SNW1: variants seen among roughly 807,000 people sequenced by gnomAD.
SNW1 encodes SNW domain containing 1.
A neutral mutation model predicts 75.6 loss-of-function variants in SNW1; 9 were observed. The ratio of observed to expected loss-of-function variants is 0.12; its 90% CI spans 0.07 to 0.21. The LOEUF (loss-of-function observed/expected upper bound fraction) is 0.21. Among genes scored for constraint, SNW1 ranks in the 10% least tolerant of loss-of-function variants. The pLI is 1.00. For missense variants in SNW1, 409 were observed against 670.9 expected (o/e 0.61, Z 4.31); for synonymous variants, 200 against 219.1 (o/e 0.91, Z 0.77).
At chr14:77,742,192 C>T (rs1327005819) in intron 3 of SNW1, among the ~76,000 whole-genome samples, 1 of 152,086 alleles carries the variant, frequency 6.6e-6, no homozygotes, top group Non-Finnish European at 1.5e-5. Flanking sequence ...CATGACACCA[C>T]GTCCAGCTAA....
chr14:77,758,315 C>CAAAAAAAAAAAAAAAAAA (rs55707854), intron 1 of SNW1, among the ~76,000 whole-genome samples: 24 of 85,814 alleles, frequency 2.8e-4, no homozygotes, highest in East Asian at 4.0e-4. Context: ...GACTCTGCCA[C>CAAAAAAAAAAAAAAAAAA]AAAAAAAAAA....
intron 12 of SNW1, 117 bp from the exon 13 acceptor site, chr14:77,718,647 A>T: frequency 1.6e-6 from 1 of 618,226 alleles, no homozygotes; most frequent in Non-Finnish European, 2.7e-6. Flanking sequence ...CAACAATCTG[A>T]ACTGCAAATT....
chr14:77,751,044 T>A (rs1594807737), intron 3 of SNW1, among the ~76,000 whole-genome samples: 1 of 152,300 alleles, frequency 6.6e-6, no homozygotes, highest in Non-Finnish European at 1.5e-5. Flanking sequence ...GCTAGTAATA[T>A]AAAGTAACTG....
rs2080721641 is a variant in SNW1, at chr14:77,741,862, A to G, written c.331-2801T>C. 1.3e-5 allele frequency among the ~76,000 whole-genome samples: 2 copies of G among 152,180 alleles called. 1 individual carries two copies. The highest frequency in any genetic ancestry group is 4.8e-5 in the African/African-American group (2 of 41,448). ...CCTGGTAGTCATGTATGTTCAACAT[A>G]AAGTGTCAATACTAATTTAGCATAC... On this transcript the variant is annotated intron_variant, in intron 3 of 13. Coordinates refer to ENST00000261531, the MANE Select transcript of SNW1 (RefSeq NM_012245.3).
chr14:77,755,460 C>G (rs1490219203), intron 1 of SNW1, among the ~76,000 whole-genome samples: 6 of 152,040 alleles, frequency 3.9e-5, no homozygotes, highest in Non-Finnish European at 7.4e-5. Flanking sequence ...ACTCTGTTGC[C>G]CAGGCTGGAG....
chr14:77,734,986 C>T lies in SNW1; in HGVS notation c.735G>A (p.Trp245Ter), dbSNP rs2080659288. The change falls in exon 8 of 14, where the codon TGG becomes TGA. Residue 245 changes from tryptophan (W) to a stop codon, truncating the protein, a stop_gained. Transcript: ENST00000261531. LOFTEE classifies it high-confidence loss of function. ...RKMTVKEQQE[W>*]KIPPCISNWK... ...AGTTAGAAATACAAGGAGGAATCTT[C>T]CACTCTTGTTGTTCCTTTACAGTCA... 1 of 1,611,538 alleles carries T rather than the reference C, an allele frequency of 6.2e-7. No homozygotes were observed. The highest frequency in any genetic ancestry group is 8.5e-7 in the Non-Finnish European group (1 of 1,177,990).
chr14:77,751,300 GA>G lies in SNW1; in HGVS notation c.330+18del. The G allele has an allele frequency of 6.3e-7, 1 of 1,587,324 alleles. No homozygotes were observed. The highest frequency in any genetic ancestry group is 8.6e-7 in the Non-Finnish European group (1 of 1,166,252). On this transcript the variant is annotated intron_variant, in intron 3 of 13. Coordinates refer to ENST00000261531, the MANE Select transcript of SNW1 (RefSeq NM_012245.3). Reference sequence around the variant, plus strand: ...TTTCCTAAAATATTTATCATTCAGGGAAAACATGAGAGGATTACCTTGTCTT... The same window carrying G: ...TTTCCTAAAATATTTATCATTCAGGGAAACATGAGAGGATTACCTTGTCTT...
At chr14:77,755,959 G>A (rs1300797615) in intron 1 of SNW1, among the ~76,000 whole-genome samples, 4 of 151,464 alleles carry the variant, frequency 2.6e-5, no homozygotes, top group South Asian at 2.1e-4. Flanking sequence ...GGCTGGTCTC[G>A]AACTCCCGAC....
In SNW1 at chr14:77,717,845, GGCA is replaced by G. The variant is rs952603119; in HGVS notation, c.*240_*242del. ...TAAGTGGTCTTGACTTTGTATGTGG[GGCA>G]GCATGTTCTATAAATGCTGAAAGGT... is the stretch of plus-strand genomic sequence containing the variant. On this transcript the variant is annotated 3_prime_UTR_variant, in exon 14 of 14. Transcript: ENST00000261531. The G allele has an allele frequency of 2.7e-5, 15 of 555,484 alleles. No homozygotes were observed. Among genetic ancestry groups the G allele is most frequent in the Non-Finnish European group, 4.4e-5 (14 of 316,946 alleles). The allele number at this position is 555,484 out of a possible 1,614,324, so 34.4% of individuals were successfully genotyped here.
At chr14:77,753,006 A>G (rs895110206) in intron 2 of SNW1, among the ~76,000 whole-genome samples, 5 of 152,226 alleles carry the variant, frequency 3.3e-5, no homozygotes, top group Admixed American at 2.0e-4. Flanking sequence ...TTCAACTATA[A>G]TAAGTACTTC....
At chr14:77,742,498 T>C (rs2139917860) in intron 3 of SNW1, among the ~76,000 whole-genome samples, 1 of 152,254 alleles carries the variant, frequency 6.6e-6, no homozygotes, top group South Asian at 2.1e-4. Context: ...AACTCATCTG[T>C]GAAACAGATA....
chr14:77,736,377 G>A (rs751417254), intron 6 of SNW1, among the ~76,000 whole-genome samples: 1 of 151,990 alleles, frequency 6.6e-6, no homozygotes, highest in Non-Finnish European at 1.5e-5. Context: ...GTGAAACCCT[G>A]TCTCTACTAA....
chr14:77,723,501 C>T (rs1220471000), intron 10 of SNW1, among the ~76,000 whole-genome samples: 2 of 152,256 alleles, frequency 1.3e-5, no homozygotes, highest in East Asian at 3.9e-4. Flanking sequence ...AGATGTGTGC[C>T]ACCATGCCTG....
intron 5 of SNW1, among the ~76,000 whole-genome samples, chr14:77,738,543 G>T (rs1439857613): frequency 6.6e-6 from 1 of 152,164 alleles, no homozygotes; most frequent in Admixed American, 6.5e-5. Flanking sequence ...TGGTGTCACC[G>T]TACTCCAGCC....
Position 77,731,179 on chromosome 14 carries a change from T to G in SNW1, c.892-50A>C. 3.2e-6 allele frequency: 5 copies of G among 1,586,154 alleles called. No individual in the cohort carries two copies. In the South Asian group the frequency reaches 4.6e-5, roughly 15 times the overall value. ...CAGGACACTATCATGGGATAAATAT[T>G]TATGGCTATCATCCAACTCCCTAAC... On this transcript the variant is annotated intron_variant, in intron 9 of 13. Coordinates refer to ENST00000261531, the MANE Select transcript of SNW1 (RefSeq NM_012245.3).
In SNW1 at chr14:77,756,062, A is replaced by G. The variant is rs940562882; in HGVS notation, c.15-942T>C. Among the ~76,000 whole-genome samples, 15 of 151,656 alleles carry G rather than the reference A, an allele frequency of 9.9e-5. No individual in the cohort carries two copies. The South Asian group carries it at 3.1e-3, about 31-fold the overall frequency. On this transcript the variant is annotated intron_variant, in intron 1 of 13. Coordinates refer to ENST00000261531, the MANE Select transcript of SNW1 (RefSeq NM_012245.3). ...CCTGTTTCCATATTTCTTATAACAAACAAGTAAACATTCCTAATACTTCAG... is the reference window on the plus strand; with the variant it reads ...CCTGTTTCCATATTTCTTATAACAAGCAAGTAAACATTCCTAATACTTCAG...
chr14:77,719,117 C>T lies in SNW1; in HGVS notation c.1249-587G>A, dbSNP rs148593173. Among the ~76,000 whole-genome samples, 349 of 152,104 alleles carry T rather than the reference C, an allele frequency of 2.3e-3. 2 individuals carry two copies. Among genetic ancestry groups the T allele is most frequent in the Non-Finnish European group, 3.4e-3 (233 of 67,998 alleles). Reference sequence around the variant, plus strand: ...CAGGGTTTTGCCATATTGCCCAGGCCGGTCTTAAACTGGGTTCAAGCAATC... The same window carrying T: ...CAGGGTTTTGCCATATTGCCCAGGCTGGTCTTAAACTGGGTTCAAGCAATC... On this transcript the variant is annotated intron_variant, in intron 12 of 13. Transcript: ENST00000261531.
At chr14:77,720,961 TTGA>T (rs1482476572) in intron 11 of SNW1, 133 bp from the exon 12 acceptor site, 2 of 677,584 alleles carry the variant, frequency 3.0e-6, no homozygotes, top group Non-Finnish European at 5.2e-6. Flanking sequence ...CATATATTCC[TTGA>T]TGATACATAA....
chr14:77,723,159 A>T lies in SNW1; in HGVS notation c.1130+22T>A, dbSNP rs770056098. 8 of 1,589,242 alleles carry T rather than the reference A, an allele frequency of 5.0e-6. No homozygotes were observed. The Admixed American group carries it at 1.2e-4, about 23-fold the overall frequency. On this transcript the variant is annotated intron_variant, in intron 11 of 13. Transcript: ENST00000261531. ...ACTGCGCCCGGCCACCATGATTGGT[A>T]CACATCTTAAATAACACCTACCTCT...
Sources: allele counts gnomAD v4.1 joint callset (sites outside exome capture counted in the v4.1 genomes callset), GRCh38; gene constraint gnomAD v4.1.1; transcripts MANE v1.5; gene names NCBI Gene and HGNC (gene_info 2026-07-23, HGNC 2026-07-21).